Variants in SUMF1 observed in about 807,000 individuals in gnomAD.
The protein encoded by SUMF1 is formylglycine-generating enzyme.
Under a neutral mutation model 47.6 loss-of-function variants are expected in SUMF1, and 48 were observed. The ratio of observed to expected loss-of-function variants is 1.01; its 90% CI spans 0.80 to 1.28. The LOEUF (loss-of-function observed/expected upper bound fraction) is 1.28. Among genes scored for constraint, SUMF1 ranks in the 50% most tolerant of loss-of-function variants. The pLI is 0.00. For missense variants in SUMF1, 571 were observed against 485.4 expected, an observed-to-expected ratio of 1.18 and a Z score of -1.66; for synonymous variants, 230 against 192.1, an observed-to-expected ratio of 1.20 and a Z score of -1.63.
intron 8 of SUMF1, among the ~76,000 whole-genome samples, chr3:4,127,396 C>T (rs1190641110): frequency 6.6e-6 from 1 of 152,154 alleles, no homozygotes; most frequent in East Asian, 1.9e-4. Context: ...ACATTTGAGT[C>T]AGTGGGTTGA....
At chr3:4,273,214 C>G (rs892343726) in intron 8 of SUMF1, among the ~76,000 whole-genome samples, 2 of 151,536 alleles carry the variant, frequency 1.3e-5, no homozygotes, top group African/African-American at 2.4e-5. Context: ...CACACAAACA[C>G]ATACACAGGA....
chr3:4,153,194 A>T lies in SUMF1; in HGVS notation c.1015-84449T>A, dbSNP rs188566049. On this transcript the variant is annotated intron_variant and NMD_transcript_variant, in intron 8 of 12. Transcript: ENST00000448413. ...AAAATTGAGCAGAAACATATATTTG[A>T]TCAATTACTTGAGGATTTTCTTTTT... Among the ~76,000 whole-genome samples the T allele has an allele frequency of 4.0e-5, 6 of 151,590 alleles. No homozygotes were observed. The East Asian group carries it at 1.2e-3, about 29-fold the overall frequency.
At chr3:4,293,066 A>C (rs1697771487) in intron 8 of SUMF1, among the ~76,000 whole-genome samples, 1 of 152,190 alleles carries the variant, frequency 6.6e-6, no homozygotes, top group Admixed American at 6.5e-5. Context: ...TAAAATGATA[A>C]GAGAACAGCT....
At chr3:4,267,367 G>T (rs1188664973) in intron 8 of SUMF1, among the ~76,000 whole-genome samples, 2 of 152,112 alleles carry the variant, frequency 1.3e-5, no homozygotes, top group African/African-American at 4.8e-5. Context: ...GACTCTATTT[G>T]GTTGGTAAAG....
At chr3:4,251,652 C>A (rs914204148) in intron 8 of SUMF1, among the ~76,000 whole-genome samples, 31 of 152,170 alleles carry the variant, frequency 2.0e-4, no homozygotes, top group Non-Finnish European at 4.4e-4. Context: ...TTCAGACAGT[C>A]AATCCTTTGA....
At chr3:4,064,799 T>C (rs1429752326) in intron 9 of SUMF1, among the ~76,000 whole-genome samples, 2 of 152,190 alleles carry the variant, frequency 1.3e-5, no homozygotes, top group South Asian at 2.1e-4. Context: ...TCTGCAGTCC[T>C]GAGAAGGAGT....
rs190670866 is a variant in SUMF1 at position 4,154,037 on chromosome 3, T to C, written c.1015-85292A>G. On this transcript the variant is annotated intron_variant and NMD_transcript_variant, in intron 8 of 12. Coordinates refer to the SUMF1 transcript ENST00000448413. ...GTTGGGGCTAGTGACCCAAGTCTAG[T>C]TGAACACTGTAACATGGACTATGGC... 2.0e-3 allele frequency among the ~76,000 whole-genome samples: 304 copies of C among 151,526 alleles called. 5 individuals carry two copies. Among genetic ancestry groups the C allele is most frequent in the Admixed American group, 0.019 (286 of 15,282 alleles).
intron 8 of SUMF1, among the ~76,000 whole-genome samples, chr3:4,368,880 C>T (rs549082510): frequency 6.6e-6 from 1 of 152,128 alleles, no homozygotes; most frequent in Admixed American, 6.6e-5. Flanking sequence ...TAAAAATAAA[C>T]TAGTCATCCT....
At chr3:4,135,588 A>C (rs1693906478) in intron 8 of SUMF1, among the ~76,000 whole-genome samples, 1 of 152,068 alleles carries the variant, frequency 6.6e-6, no homozygotes, top group Admixed American at 6.6e-5. Flanking sequence ...CTCTGTCACC[A>C]CTCCGATTCC....
chr3:4,143,492 C>T (rs781064732), intron 8 of SUMF1, among the ~76,000 whole-genome samples: 27 of 152,094 alleles, frequency 1.8e-4, no homozygotes, highest in Non-Finnish European at 3.1e-4. Flanking sequence ...AAGGAGTTCA[C>T]TCTTGATATT....
intron 8 of SUMF1, among the ~76,000 whole-genome samples, chr3:4,163,155 G>A (rs1184996458): frequency 6.6e-6 from 1 of 151,476 alleles, no homozygotes; most frequent in Non-Finnish European, 1.5e-5. Context: ...CTACACCTAG[G>A]AAATGTAGCC....
chr3:4,308,586 T>A (rs546226049), intron 8 of SUMF1, among the ~76,000 whole-genome samples: 1 of 152,228 alleles, frequency 6.6e-6, no homozygotes, highest in Non-Finnish European at 1.5e-5. Flanking sequence ...CCTTGTCTTA[T>A]AGCTACTAAT....
At chr3:4,172,353 G>C (rs751704683) in intron 8 of SUMF1, among the ~76,000 whole-genome samples, 6 of 152,100 alleles carry the variant, frequency 3.9e-5, no homozygotes, top group Non-Finnish European at 8.8e-5. Flanking sequence ...TAGACACGTT[G>C]AGTTTTTAAT....
At chr3:4,098,200 T>A (rs566648293) in intron 8 of SUMF1, among the ~76,000 whole-genome samples, 2 of 152,042 alleles carry the variant, frequency 1.3e-5, no homozygotes, top group Non-Finnish European at 2.9e-5. Flanking sequence ...CACATGGAAA[T>A]TGAAGCTCCC....
intron 7 of SUMF1, among the ~76,000 whole-genome samples, chr3:4,410,134 C>T (rs1701495240): frequency 6.6e-6 from 1 of 152,172 alleles, no homozygotes; most frequent in African/African-American, 2.4e-5. Context: ...TCTGTTCACA[C>T]CATAAAAAAT....
intron 9 of SUMF1, among the ~76,000 whole-genome samples, chr3:4,035,112 T>C (rs1694770299): frequency 6.6e-6 from 1 of 152,150 alleles, no homozygotes; most frequent in East Asian, 1.9e-4. Context: ...GTGGGGGACA[T>C]TTTGAGTTTT....
rs1403724284 is a variant in SUMF1 at position 4,217,186 on chromosome 3, A to C, written c.1015-148441T>G. 2.6e-5 allele frequency among the ~76,000 whole-genome samples: 4 copies of C among 152,130 alleles called. No homozygotes were observed. In the East Asian group the frequency reaches 7.7e-4, roughly 29 times the overall value. On this transcript the variant is annotated intron_variant and NMD_transcript_variant, in intron 8 of 12. Coordinates refer to the SUMF1 transcript ENST00000448413. ...ACACCATGGAATACTATGCAGCCAT[A>C]AAAAAGGATGAGTTCATGTCCTTTG...
chr3:4,152,462 TTTTTTC>T (rs1284496638), intron 8 of SUMF1, among the ~76,000 whole-genome samples: 2 of 150,930 alleles, frequency 1.3e-5, no homozygotes, highest in Non-Finnish European at 2.9e-5. Flanking sequence ...TTTGCTTTTT[TTTTTTC>T]TTTTTCTTTT....
chr3:4,123,907 C>A (rs567903770), intron 8 of SUMF1, among the ~76,000 whole-genome samples: 25 of 152,238 alleles, frequency 1.6e-4, no homozygotes, highest in African/African-American at 5.3e-4. Context: ...GGGGACTCGA[C>A]AATGGCTGAT....
Sources: allele counts gnomAD v4.1 joint callset (sites outside exome capture counted in the v4.1 genomes callset), GRCh38; gene constraint gnomAD v4.1.1; transcripts MANE v1.5; gene names NCBI Gene and HGNC (gene_info 2026-07-23, HGNC 2026-07-21).